Variants in ZSWIM4 observed in about 807,000 individuals in gnomAD.
ZSWIM4 encodes zinc finger SWIM-type containing 4, also known as zinc finger SWIM domain-containing protein 4.
ZSWIM4 carries 62 observed loss-of-function variants against 102.5 expected under a neutral mutation model. The observed-to-expected ratio is 0.60, with a 90% CI of 0.49 to 0.75. ZSWIM4 has a LOEUF of 0.75. Among genes scored for constraint, ZSWIM4 ranks in the 30% least tolerant of loss-of-function variants. The probability of loss-of-function intolerance (pLI) is 0.00; values close to 1 mark genes in which losing one functional copy is unlikely to be tolerated. For missense variants in ZSWIM4, 1,280 were observed against 1,529.6 expected (o/e 0.84, Z 2.72); for synonymous variants, 652 against 674.5 (o/e 0.97, Z 0.52).
chr19:13,831,687 C>CA lies in ZSWIM4; in HGVS notation c.*638dup, dbSNP rs1479581323. 6.5e-6 allele frequency: 1 copy of CA among 152,694 alleles called. No individual in the cohort carries two copies. The highest frequency in any genetic ancestry group is 1.5e-5 in the Non-Finnish European group (1 of 68,126). The allele number at this position is 152,694 out of a possible 1,614,324, so 9.5% of individuals were successfully genotyped here. A position where few individuals can be genotyped will look rare whatever the true frequency, so the allele number is the denominator to read the frequency against. Reference sequence around the variant, plus strand: ...GGAAGTCCTCGCTGCCCTCTCTTCTCACCTGCTAGTCACTGGACGTACAAC... The same window carrying CA: ...GGAAGTCCTCGCTGCCCTCTCTTCTCAACCTGCTAGTCACTGGACGTACAAC... On this transcript the variant is annotated 3_prime_UTR_variant, in exon 14 of 14. Transcript: ENST00000590508.
intron 6 of ZSWIM4, among the ~76,000 whole-genome samples, chr19:13,813,690 G>T (rs543331989): frequency 6.6e-6 from 1 of 151,952 alleles, no homozygotes; most frequent in Non-Finnish European, 1.5e-5. Context: ...GGAAGCTGAG[G>T]GGGGCAGATT....
At chr19:13,828,789 G>A (rs1975679955) in intron 13 of ZSWIM4, 63 bp downstream of exon 13, 4 of 1,503,972 alleles carry the variant, frequency 2.7e-6, no homozygotes, top group Non-Finnish European at 3.7e-6. Context: ...AGCGCACTGA[G>A]AGAACCAGGC....
Position 13,809,149 on chromosome 19 carries a change from C to G in ZSWIM4, c.941C>G (p.Thr314Arg). The G allele has an allele frequency of 6.2e-7, 1 of 1,613,666 alleles. No homozygotes were observed. Among genetic ancestry groups the G allele is most frequent in the Non-Finnish European group, 8.5e-7 (1 of 1,179,752 alleles). ...ATGACCGAGCAGTTCCTGCAGGACA[C>G]GCGCCTGGCCCTGTGGCGGCAGCAG... ...ILMTEQFLQDTRLALWRQQGA... is the reference protein window; with the variant it reads ...ILMTEQFLQDRRLALWRQQGA... The change falls in exon 5 of 14, where the codon ACG (threonine) becomes AGG (arginine). Residue 314 changes from threonine to arginine, a missense_variant. Coordinates refer to ENST00000590508, the MANE Select transcript of ZSWIM4 (RefSeq NM_001367834.3). The surrounding 1 kb of genome is among the most constrained non-coding windows in gnomAD (Gnocchi z 4.2).
intron 12 of ZSWIM4, among the ~76,000 whole-genome samples, chr19:13,827,860 TG>T (rs1363332637): frequency 6.6e-6 from 1 of 151,846 alleles, no homozygotes; most frequent in Non-Finnish European, 1.5e-5. Flanking sequence ...CTAGTGAAGG[TG>T]GGGCTTATAC....
intron 3 of ZSWIM4, among the ~76,000 whole-genome samples, chr19:13,806,276 C>T (rs1228861826): frequency 2.0e-5 from 3 of 151,674 alleles, no homozygotes; most frequent in Middle Eastern, 6.3e-3. Flanking sequence ...CTTCTGACCT[C>T]AGGTGATCCA....
intron 10 of ZSWIM4, among the ~76,000 whole-genome samples, chr19:13,822,754 C>T (rs932874637): frequency 3.9e-5 from 6 of 152,030 alleles, no homozygotes; most frequent in African/African-American, 7.2e-5. Flanking sequence ...CCGAGGAGGG[C>T]GGATCACCTA....
At chr19:13,800,468 T>C (rs1156740676) in intron 2 of ZSWIM4, among the ~76,000 whole-genome samples, 2 of 151,970 alleles carry the variant, frequency 1.3e-5, no homozygotes, top group African/African-American at 2.4e-5. Flanking sequence ...GGTTTCACCA[T>C]GTTAGCCAGG....
intron 6 of ZSWIM4, among the ~76,000 whole-genome samples, chr19:13,813,778 G>A (rs1432376034): frequency 6.6e-6 from 1 of 151,598 alleles, no homozygotes; most frequent in Non-Finnish European, 1.5e-5. Context: ...AAAATTAGCT[G>A]GGTGTTGTGA....
intron 3 of ZSWIM4, among the ~76,000 whole-genome samples, chr19:13,807,782 G>T (rs1012446998): frequency 6.6e-6 from 1 of 151,542 alleles, no homozygotes; most frequent in African/African-American, 2.4e-5. Flanking sequence ...TGGATGGATG[G>T]ATGGATGGAT....
At chr19:13,820,990 G>T (rs1187913947) in intron 10 of ZSWIM4, among the ~76,000 whole-genome samples, 1 of 151,760 alleles carries the variant, frequency 6.6e-6, no homozygotes, top group East Asian at 1.9e-4. Context: ...GAGAATATTT[G>T]AAAGCCAACT....
At chr19:13,805,569 G>T (rs1974897460) in intron 3 of ZSWIM4, among the ~76,000 whole-genome samples, 1 of 152,004 alleles carries the variant, frequency 6.6e-6, no homozygotes, top group South Asian at 2.1e-4. Context: ...GGGCTGGGAG[G>T]GTTTGGGGGG....
chr19:13,817,831 G>T lies in ZSWIM4; in HGVS notation c.1779G>T (p.Gly593=). The T allele has an allele frequency of 6.4e-7, 1 of 1,570,394 alleles. No individual in the cohort carries two copies. The highest frequency in any genetic ancestry group is 8.6e-7 in the Non-Finnish European group (1 of 1,158,234). Residue 593 remains glycine (G), a synonymous_variant, in exon 9 of 14, where the codon GGG becomes GGT. Transcript: ENST00000590508. ...LALEVALLGL[G]QQRALPEGLY... ...TGGAGGTGGCACTGCTGGGGCTGGGGCAGCAGCGGGCCCTGCCGGAGGGGC... is the reference window on the plus strand; with the variant it reads ...TGGAGGTGGCACTGCTGGGGCTGGGTCAGCAGCGGGCCCTGCCGGAGGGGC...
chr19:13,797,721 C>T (rs1417669306), intron 1 of ZSWIM4, among the ~76,000 whole-genome samples: 3 of 152,172 alleles, frequency 2.0e-5, no homozygotes, highest in Admixed American at 6.5e-5. Context: ...GGCACGATCT[C>T]GGCTCACTGT....
At chr19:13,816,203 A>G (rs1975284412) in intron 7 of ZSWIM4, among the ~76,000 whole-genome samples, 1 of 152,114 alleles carries the variant, frequency 6.6e-6, no homozygotes, top group Non-Finnish European at 1.5e-5. Context: ...TTGAACGAAG[A>G]AAAGTGTGTC....
In ZSWIM4 at chr19:13,828,781, C is replaced by T. The variant is rs112835135; in HGVS notation, c.2461+55C>T. On this transcript the variant is annotated intron_variant, in intron 13 of 13. Transcript: ENST00000590508. ...ACTTCGCTGTTCTGGTTCTGCAGAG[C>T]GCACTGAGAGAACCAGGCAGACAAG... 7,876 of 1,532,918 alleles carry T rather than the reference C, an allele frequency of 5.1e-3. 330 individuals carry two copies. The African/African-American group carries it at 0.094, about 18-fold the overall frequency. 95.0% of individuals were successfully genotyped at this position (1,532,918 alleles called of 1,614,324 possible).
chr19:13,830,436 G>C lies in ZSWIM4; in HGVS notation c.2707G>C (p.Glu903Gln), dbSNP rs572429286. 6.2e-7 allele frequency: 1 copy of C among 1,609,094 alleles called. No homozygotes were observed. The highest frequency in any genetic ancestry group is 1.7e-5 in the Admixed American group (1 of 60,024). Reference sequence around the variant, plus strand: ...GTGCGAGAAGAACCACTCGGCCTTCGAGGCGGCCTACCAGATCGTGCTGGA... The same window carrying C: ...GTGCGAGAAGAACCACTCGGCCTTCCAGGCGGCCTACCAGATCGTGCTGGA... Reference protein sequence around the residue: ...TLCEKNHSAFEAAYQIVLDAA... With the variant: ...TLCEKNHSAFQAAYQIVLDAA... The change falls in exon 14 of 14, where the codon GAG becomes CAG. Residue 903 changes from glutamate to glutamine, a missense_variant. By Grantham distance (29) the Glu-to-Gln change is conservative. Transcript: ENST00000590508.
At chr19:13,810,825 T>C (rs2145300928) in intron 5 of ZSWIM4, among the ~76,000 whole-genome samples, 1 of 149,616 alleles carries the variant, frequency 6.7e-6, no homozygotes, top group South Asian at 2.1e-4. Flanking sequence ...TTAACCAGGA[T>C]GGTCTCGATC....
intron 7 of ZSWIM4, among the ~76,000 whole-genome samples, chr19:13,816,156 G>A (rs911624121): frequency 1.3e-5 from 2 of 152,028 alleles, no homozygotes; most frequent in Non-Finnish European, 2.9e-5. Context: ...AGTTGAGAGA[G>A]CTAGTCGATG....
rs763201429 is a variant in ZSWIM4 at position 13,828,682 on chromosome 19, G to A, written c.2417G>A (p.Arg806Gln). 39 of 1,614,028 alleles carry A rather than the reference G, an allele frequency of 2.4e-5. No individual in the cohort carries two copies. The highest frequency in any genetic ancestry group is 8.3e-5 in the Admixed American group (5 of 59,990). ...RMTLNVMTWR[R>Q]REMVRWLVSC... ...ACTCTGAACGTAATGACCTGGCGGCGGAGGGAGATGGTGCGCTGGCTGGTC... is the reference window on the plus strand; with the variant it reads ...ACTCTGAACGTAATGACCTGGCGGCAGAGGGAGATGGTGCGCTGGCTGGTC... The change falls in exon 13 of 14, where the codon CGG becomes CAG. Residue 806 changes from arginine (R) to glutamine (Q), a missense_variant. Coordinates refer to ENST00000590508, the MANE Select transcript of ZSWIM4 (RefSeq NM_001367834.3).
Sources: allele counts gnomAD v4.1 joint callset (sites outside exome capture counted in the v4.1 genomes callset), GRCh38; gene constraint gnomAD v4.1.1; non-coding constraint Gnocchi (gnomAD v3.1); transcripts MANE v1.5; gene names NCBI Gene and HGNC (gene_info 2026-07-23, HGNC 2026-07-21).